YEATS4: variants seen among roughly 807,000 people sequenced by gnomAD.
YEATS4 encodes YEATS domain containing 4, also known as YEATS domain-containing protein 4.
A neutral mutation model predicts 30.1 loss-of-function variants in YEATS4; 17 were observed. The observed-to-expected ratio is 0.56, with a 90% CI of 0.39 to 0.85. The LOEUF is 0.85. Among genes scored for constraint, YEATS4 ranks in the 40% least tolerant of loss-of-function variants. The pLI, the probability that YEATS4 is intolerant of heterozygous loss-of-function variation, is 0.00. For synonymous variants in YEATS4, 85 were observed against 87.5 expected, an observed-to-expected ratio of 0.97 and a Z score of 0.16; for missense variants, 142 against 268.3, an observed-to-expected ratio of 0.53 and a Z score of 3.29.
At chr12:69,369,244 A>G (rs1181646214) in intron 4 of YEATS4, among the ~76,000 whole-genome samples, 3 of 152,192 alleles carry the variant, frequency 2.0e-5, no homozygotes, top group African/African-American at 7.2e-5. Context: ...TCAGCTTCAG[A>G]TAGTATCTTT....
the YEATS4 span, among the ~76,000 whole-genome samples, chr12:69,424,769 T>A: frequency 6.6e-6 from 1 of 152,176 alleles, no homozygotes; most frequent in African/African-American, 2.4e-5. Context: ...GCCATGATTG[T>A]CAGTTTTCTG....
the YEATS4 span, among the ~76,000 whole-genome samples, chr12:69,403,401 AC>A: frequency 4.6e-5 from 7 of 151,908 alleles, no homozygotes; most frequent in Non-Finnish European, 8.8e-5. Context: ...ACATGGCAAA[AC>A]CCTGTCCCTA....
intron 6 of YEATS4, among the ~76,000 whole-genome samples, chr12:69,386,520 T>A (rs956301333): frequency 2.0e-5 from 3 of 152,204 alleles, no homozygotes; most frequent in African/African-American, 7.2e-5. Context: ...TTGAATCCAG[T>A]CTACTCTTGT....
chr12:69,381,544 T>C (rs895378692), intron 6 of YEATS4, among the ~76,000 whole-genome samples: 10 of 152,146 alleles, frequency 6.6e-5, no homozygotes, highest in Non-Finnish European at 1.0e-4. Flanking sequence ...GATTAAGAGA[T>C]TAAAGTAAAG....
downstream of YEATS4, among the ~76,000 whole-genome samples, chr12:69,392,537 C>A (rs923006958): frequency 2.0e-5 from 3 of 152,170 alleles, no homozygotes; most frequent in Admixed American, 6.5e-5. Flanking sequence ...ATAGATTTTC[C>A]CATTCTTTTA....
At chr12:69,373,712 T>C (rs12813681) in intron 6 of YEATS4, among the ~76,000 whole-genome samples, 8,711 of 152,288 alleles carry the variant, frequency 0.057, 497 homozygotes, top group East Asian at 0.28. Context: ...TCCAGTGTCC[T>C]AGAGAGTTTC....
chr12:69,361,052 G>A (rs916214714), intron 1 of YEATS4, among the ~76,000 whole-genome samples: 1 of 151,652 alleles, frequency 6.6e-6, no homozygotes, highest in African/African-American at 2.4e-5. Context: ...ACAAAAATTA[G>A]CCGGGCGTGG....
chr12:69,408,197 T>G, the YEATS4 span, among the ~76,000 whole-genome samples: 3 of 152,300 alleles, frequency 2.0e-5, no homozygotes, highest in African/African-American at 7.2e-5. Flanking sequence ...CATTACAAGA[T>G]CATCGGAGTC....
rs976713952 is a variant in YEATS4 at position 69,377,092 on chromosome 12, C to G, written c.514+6117C>G. ...AGTTTTCTCTTTTTTCTTAATCTGG[C>G]TAAAAATTTGTCAGTTTTGTTTATC... On this transcript the variant is annotated intron_variant, in intron 6 of 6. Coordinates refer to ENST00000247843, the MANE Select transcript of YEATS4 (RefSeq NM_006530.4). 5.3e-5 allele frequency among the ~76,000 whole-genome samples: 8 copies of G among 152,072 alleles called. No individual in the cohort carries two copies. The East Asian group carries it at 1.5e-3, about 29-fold the overall frequency.
intron 6 of YEATS4, among the ~76,000 whole-genome samples, chr12:69,375,478 G>T (rs1373092297): frequency 6.6e-6 from 1 of 151,724 alleles, no homozygotes; most frequent in African/African-American, 2.4e-5. Flanking sequence ...AGGCAGAGAC[G>T]CTCCTCACTT....
the YEATS4 span, among the ~76,000 whole-genome samples, chr12:69,420,335 G>T: frequency 6.6e-6 from 1 of 152,048 alleles, no homozygotes; most frequent in Non-Finnish European, 1.5e-5. Context: ...AAAGGAAGGG[G>T]ATGTGCAAAG....
At chr12:69,391,390 A>C (rs187241243), downstream of YEATS4, among the ~76,000 whole-genome samples, 1 of 152,074 alleles carries the variant, frequency 6.6e-6, no homozygotes, top group Non-Finnish European at 1.5e-5. Context: ...TCTCCTCTTT[A>C]GCCTCTTCTG....
intron 6 of YEATS4, among the ~76,000 whole-genome samples, chr12:69,371,204 T>TA (rs908006466): frequency 2.0e-5 from 3 of 152,246 alleles, no homozygotes; most frequent in African/African-American, 7.2e-5. Flanking sequence ...TTCGCTGAAG[T>TA]ACTGTTTGTC....
intron 1 of YEATS4, 32 bp downstream of exon 1, chr12:69,360,055 G>A: frequency 1.2e-6 from 2 of 1,607,418 alleles, no homozygotes; most frequent in East Asian, 2.3e-5. Context: ...CTTCCGGGGT[G>A]GCTCTCCCGC....
chr12:69,421,915 T>A, the YEATS4 span, among the ~76,000 whole-genome samples: 1 of 152,330 alleles, frequency 6.6e-6, no homozygotes, highest in South Asian at 2.1e-4. Flanking sequence ...AGAACACCCC[T>A]ATAGGCTCTA....
At chr12:69,417,743 C>T in the YEATS4 span, among the ~76,000 whole-genome samples, 1 of 152,102 alleles carries the variant, frequency 6.6e-6, no homozygotes, top group African/African-American at 2.4e-5. Context: ...ACAACAGCAG[C>T]CGCTTGTTAC....
At position 69,362,981 on chromosome 12, in the gene YEATS4, A is replaced by AATTT. The variant is rs1198849494; in HGVS notation, c.171+74_171+75insATTT. 5.2e-4 allele frequency: 163 copies of AATTT among 313,178 alleles called. 48 individuals carry two copies. Among genetic ancestry groups the AATTT allele is most frequent in the Admixed American group, 1.8e-3 (16 of 8,684 alleles). 19.4% of individuals were successfully genotyped at this position (313,178 alleles called of 1,614,324 possible). A position where few individuals can be genotyped will look rare whatever the true frequency, so the allele number is the denominator to read the frequency against. On this transcript the variant is annotated intron_variant, in intron 2 of 6. Coordinates refer to ENST00000247843, the MANE Select transcript of YEATS4 (RefSeq NM_006530.4). The stretch of plus-strand genomic sequence containing the variant: ...TTTGTTTTGCTTAAAGACAACCTGT[A>AATTT]GTTTTTTTTTTTTTTTTTTTTTTTT...
chr12:69,415,562 AAAACAAACAAACAGG>A, the YEATS4 span, among the ~76,000 whole-genome samples: 3 of 152,200 alleles, frequency 2.0e-5, no homozygotes, highest in African/African-American at 7.2e-5. Flanking sequence ...TCATGTCTTA[AAAACAAACAAACAGG>A]TATTTGGAGC....
chr12:69,399,287 A>T, the YEATS4 span, among the ~76,000 whole-genome samples: 1 of 152,216 alleles, frequency 6.6e-6, no homozygotes, highest in Non-Finnish European at 1.5e-5. Flanking sequence ...GAGTATCCAG[A>T]ATATATAAAG....
Sources: gnomAD v4.1 joint callset for allele counts (sites outside exome capture counted in the v4.1 genomes callset) on GRCh38, gnomAD v4.1.1 for gene constraint, MANE v1.5 for transcripts, NCBI Gene and HGNC (gene_info 2026-07-23, HGNC 2026-07-21) for gene names.